CFDP1: variants seen among roughly 807,000 people sequenced by gnomAD.
The protein encoded by CFDP1 is chromatin remodeling protein CFDP1, also known as heterochromatin-stabilizing protein CFDP1.
In CFDP1, 31 loss-of-function variants were observed where a neutral mutation model predicts 40.1. The ratio of observed to expected loss-of-function variants is 0.77; its 90% CI spans 0.58 to 1.04. The LOEUF (loss-of-function observed/expected upper bound fraction) is 1.04. CFDP1 is among the 50% of genes least tolerant of loss of function. CFDP1 has a pLI of 0.00. For synonymous variants in CFDP1, 167 were observed against 120.0 expected, an observed-to-expected ratio of 1.39 and a Z score of -2.56; for missense variants, 423 against 343.4, an observed-to-expected ratio of 1.23 and a Z score of -1.83.
chr16:75,414,866 C>T (rs2079191208), intron 1 of CFDP1, among the ~76,000 whole-genome samples, 171 bp from the exon 2 acceptor site: 1 of 151,990 alleles, frequency 6.6e-6, no homozygotes, highest in Non-Finnish European at 1.5e-5. Context: ...TCTTCTCTGC[C>T]CCTGAAGACT....
intron 5 of CFDP1, among the ~76,000 whole-genome samples, chr16:75,365,732 A>G (rs1295219276): frequency 6.6e-6 from 1 of 152,164 alleles, no homozygotes; most frequent in East Asian, 1.9e-4. Flanking sequence ...CAAAAAACCA[A>G]AGAAGACATA....
chr16:75,388,314 C>G (rs1454387910), intron 5 of CFDP1, among the ~76,000 whole-genome samples: 1 of 152,104 alleles, frequency 6.6e-6, no homozygotes, highest in Non-Finnish European at 1.5e-5. Flanking sequence ...ATTATTTATT[C>G]TTTATAAAAG....
chr16:75,323,092 T>TA (rs1253795322), intron 5 of CFDP1, among the ~76,000 whole-genome samples: 1 of 152,192 alleles, frequency 6.6e-6, no homozygotes, highest in African/African-American at 2.4e-5. Flanking sequence ...TTTAATCTTT[T>TA]AAAACTTTTT....
rs976611768 is a variant in CFDP1, at chr16:75,396,411, C to T, written c.531-1202G>A. On this transcript the variant is annotated intron_variant, in intron 4 of 6. Transcript: ENST00000283882. ...AAAATTAGCCAGGCATAGTGGCAGG[C>T]GCCTGTAATCACAGCTACTAGGGAG... Among the ~76,000 whole-genome samples the T allele has an allele frequency of 1.1e-4, 11 of 102,580 alleles. 5 individuals are homozygous for T. The highest frequency in any genetic ancestry group is 6.0e-4 in the East Asian group (2 of 3,352). The allele number at this position is 102,580 out of a possible 152,430, so 67.3% of individuals were successfully genotyped here.
At chr16:75,306,515 G>A (rs2078258277) in intron 5 of CFDP1, 1 of 152,120 alleles carries the variant, frequency 6.6e-6, no homozygotes, top group African/African-American at 2.4e-5. Context: ...TCCCTGTTTG[G>A]GTCACACCCC....
chr16:75,299,931 G>A (rs1236136154), intron 6 of CFDP1, among the ~76,000 whole-genome samples: 1 of 152,120 alleles, frequency 6.6e-6, no homozygotes, highest in African/African-American at 2.4e-5. Flanking sequence ...TGGGGAAGGA[G>A]CACTACACAG....
chr16:75,381,015 A>G (rs1447000988), intron 5 of CFDP1, among the ~76,000 whole-genome samples: 1 of 152,248 alleles, frequency 6.6e-6, no homozygotes, highest in African/African-American at 2.4e-5. Context: ...ATCTAAGCTA[A>G]ATCTCTGCCA....
Position 75,395,204 on chromosome 16 carries a change from G to C in CFDP1, c.536C>G (p.Thr179Ser), listed in dbSNP as rs754263324. ...TTTAGATGTAGCATCCACTTCCTTAGTTACCCTGTGCCAAGGAAAAAGACA... is the reference window on the plus strand; with the variant it reads ...TTTAGATGTAGCATCCACTTCCTTACTTACCCTGTGCCAAGGAAAAAGACA... ...FDFAGEEVRVTKEVDATSKEA... is the reference protein window; with the variant it reads ...FDFAGEEVRVSKEVDATSKEA... Residue 179 changes from threonine to serine, a missense_variant, in exon 5 of 7, where the codon ACT becomes AGT. Coordinates refer to ENST00000283882, the MANE Select transcript of CFDP1 (RefSeq NM_006324.3). 6.2e-7 allele frequency: 1 copy of C among 1,613,100 alleles called. No individual in the cohort carries two copies. The highest frequency in any genetic ancestry group is 1.7e-5 in the Admixed American group (1 of 59,986).
chr16:75,403,040 T>C (rs956114038), intron 4 of CFDP1, among the ~76,000 whole-genome samples: 13 of 152,150 alleles, frequency 8.5e-5, no homozygotes, highest in Non-Finnish European at 7.4e-5. Flanking sequence ...CTTTGTTTTG[T>C]TTTTTATAGA....
In CFDP1 at chr16:75,363,055, G is replaced by A. The variant is rs910022791; in HGVS notation, c.650+32035C>T. Reference sequence around the variant, plus strand: ...AGAATACTGAAAGAATCACCACCAGGAAACATATGTAAGCATTTGGCCAAC... The same window carrying A: ...AGAATACTGAAAGAATCACCACCAGAAAACATATGTAAGCATTTGGCCAAC... On this transcript the variant is annotated intron_variant, in intron 5 of 6. Transcript: ENST00000283882. 25 of 152,148 alleles carry A rather than the reference G, an allele frequency of 1.6e-4. 1 individual carries two copies. The highest frequency in any genetic ancestry group is 1.4e-3 in the Admixed American group (22 of 15,284). The allele number at this position is 152,148 out of a possible 1,614,324, so 9.4% of individuals were successfully genotyped here.
chr16:75,427,895 C>A (rs1339428609), intron 1 of CFDP1, among the ~76,000 whole-genome samples: 1 of 152,212 alleles, frequency 6.6e-6, no homozygotes, highest in East Asian at 1.9e-4. Context: ...TGGACTACCA[C>A]CCAACAACAG....
intron 4 of CFDP1, among the ~76,000 whole-genome samples, chr16:75,403,344 G>A (rs1029436375): frequency 6.6e-6 from 1 of 152,080 alleles, no homozygotes; most frequent in African/African-American, 2.4e-5. Flanking sequence ...TCAGCCTCCT[G>A]AGTAGCTGGG....
intron 5 of CFDP1, among the ~76,000 whole-genome samples, chr16:75,382,700 G>C (rs1391187463): frequency 6.6e-6 from 1 of 152,216 alleles, no homozygotes; most frequent in African/African-American, 2.4e-5. Flanking sequence ...TCCAAGTTTT[G>C]CTTTGAAGCA....
intron 4 of CFDP1, among the ~76,000 whole-genome samples, chr16:75,410,166 T>C: frequency 6.6e-6 from 1 of 151,532 alleles, no homozygotes; most frequent in South Asian, 2.1e-4. Context: ...GAAAACATTA[T>C]TTTTAAGAAT....
At position 75,349,698 on chromosome 16, in the gene CFDP1, T is replaced by TATATATATATAC. The variant is rs146824267; in HGVS notation, c.651-44517_651-44516insGTATATATATAT. On this transcript the variant is annotated intron_variant, in intron 5 of 6. Transcript: ENST00000283882. ...AAAAAAAAAAAAAAAAAAATATATA[T>TATATATATATAC]ACATACATATATACGGTTGATTTTT... is the stretch of plus-strand genomic sequence containing the variant. Among the ~76,000 whole-genome samples, 58 of 47,894 alleles carry TATATATATATAC rather than the reference T, an allele frequency of 1.2e-3. 6 individuals are homozygous for TATATATATATAC. Among genetic ancestry groups the TATATATATATAC allele is most frequent in the African/African-American group, 2.8e-3 (26 of 9,168 alleles). The allele number at this position is 47,894 out of a possible 152,430, so 31.4% of individuals were successfully genotyped here.
intron 5 of CFDP1, among the ~76,000 whole-genome samples, chr16:75,388,156 C>A (rs8048527): frequency 0.51 from 77,644 of 152,038 alleles, 21,112 homozygotes; most frequent in Admixed American, 0.64. Context: ...AAGTTAAGGA[C>A]GCCTCTCTGA....
chr16:75,398,121 C>T (rs2079013170), intron 4 of CFDP1, among the ~76,000 whole-genome samples: 1 of 152,238 alleles, frequency 6.6e-6, no homozygotes, highest in South Asian at 2.1e-4. Context: ...CTCAGATACT[C>T]AGAGGCAAAA....
In CFDP1 at chr16:75,347,730, C is replaced by G. The variant is rs146046315; in HGVS notation, c.651-42548G>C. On this transcript the variant is annotated intron_variant, in intron 5 of 6. Transcript: ENST00000283882. ...CAAAACCATAAATTTAAAGGGAAAA[C>G]TTTACAGTGGAGACATCTGACAAAC... Among the ~76,000 whole-genome samples the G allele has an allele frequency of 6.9e-3, 1,048 of 152,234 alleles. 9 individuals carry two copies. Among genetic ancestry groups the G allele is most frequent in the African/African-American group, 0.024 (987 of 41,546 alleles).
chr16:75,363,914 A>G (rs2078696070), intron 5 of CFDP1, among the ~76,000 whole-genome samples: 1 of 148,788 alleles, frequency 6.7e-6, no homozygotes, highest in South Asian at 2.2e-4. Flanking sequence ...CAGGAAGTTA[A>G]TAGTCTAGTG....
Sources: allele counts gnomAD v4.1 joint callset (sites outside exome capture counted in the v4.1 genomes callset), GRCh38; gene constraint gnomAD v4.1.1; transcripts MANE v1.5; gene names NCBI Gene and HGNC (gene_info 2026-07-23, HGNC 2026-07-21).